Variants in MYO16 observed in about 807,000 individuals in gnomAD.
MYO16 encodes the protein unconventional myosin-XVI.
A neutral mutation model predicts 205.3 loss-of-function variants in MYO16; 94 were observed. The ratio of observed to expected loss-of-function variants is 0.46; its 90% CI spans 0.39 to 0.54. The LOEUF is 0.54. Among genes scored for constraint, MYO16 ranks in the 20% least tolerant of loss-of-function variants. MYO16 has a pLI of 0.00. For synonymous variants in MYO16, 988 were observed against 954.0 expected, an observed-to-expected ratio of 1.04 and a Z score of -0.66; for missense variants, 2,315 against 2,387.5, an observed-to-expected ratio of 0.97 and a Z score of 0.63.
At chr13:109,165,125 G>T in intron 33 of MYO16, 66 bp downstream of exon 33, 1 of 1,242,454 alleles carries the variant, frequency 8.0e-7, no homozygotes, top group South Asian at 1.4e-5. Context: ...TTTCTGGGAG[G>T]AATGGATTTA....
upstream of MYO16, among the ~76,000 whole-genome samples, chr13:108,628,538 C>T (rs1419398261): frequency 1.3e-5 from 2 of 152,158 alleles, no homozygotes; most frequent in African/African-American, 4.8e-5. Flanking sequence ...CATTGATACT[C>T]TGGTAAGTGG....
chr13:108,847,129 A>C (rs1473519281), intron 10 of MYO16, among the ~76,000 whole-genome samples: 1 of 152,216 alleles, frequency 6.6e-6, no homozygotes, highest in Non-Finnish European at 1.5e-5. Context: ...GTGGTAATTT[A>C]ATAAGACGTT....
At chr13:108,993,571 C>T (rs761708981) in intron 21 of MYO16, among the ~76,000 whole-genome samples, 5 of 152,178 alleles carry the variant, frequency 3.3e-5, no homozygotes, top group African/African-American at 4.8e-5. Flanking sequence ...GCACGAACCA[C>T]GTTCCTTACA....
chr13:109,098,529 C>T (rs1290343295), intron 27 of MYO16, among the ~76,000 whole-genome samples: 1 of 152,132 alleles, frequency 6.6e-6, no homozygotes, highest in African/African-American at 2.4e-5. Flanking sequence ...GGTTGTGTGA[C>T]GTGTTGTTGG....
At chr13:109,003,923 C>T (rs896310426) in intron 21 of MYO16, among the ~76,000 whole-genome samples, 8 of 152,098 alleles carry the variant, frequency 5.3e-5, no homozygotes, top group Non-Finnish European at 1.2e-4. Context: ...ATGTTAGAGT[C>T]ATCAATGTCC....
intron 16 of MYO16, among the ~76,000 whole-genome samples, chr13:108,921,315 CT>C (rs1881736247): frequency 6.6e-6 from 1 of 152,146 alleles, no homozygotes; most frequent in African/African-American, 2.4e-5. Flanking sequence ...TCCTAGGAAC[CT>C]GGGTGGATCA....
intron 31 of MYO16, among the ~76,000 whole-genome samples, chr13:109,131,005 T>C (rs1876507383): frequency 6.6e-6 from 1 of 152,170 alleles, no homozygotes; most frequent in African/African-American, 2.4e-5. Flanking sequence ...TTTGTGTGTC[T>C]ACCAAGCGGT....
chr13:108,812,555 A>C (rs1412562985), intron 7 of MYO16, among the ~76,000 whole-genome samples: 2 of 152,152 alleles, frequency 1.3e-5, no homozygotes, highest in Non-Finnish European at 2.9e-5. Flanking sequence ...CTTTGGTAGC[A>C]CTGGAAATAA....
At chr13:108,814,614 G>T (rs938045462) in intron 7 of MYO16, among the ~76,000 whole-genome samples, 4 of 152,070 alleles carry the variant, frequency 2.6e-5, no homozygotes, top group Non-Finnish European at 5.9e-5. Context: ...TGATATATTT[G>T]GAAGTCAAAA....
the MYO16 span, among the ~76,000 whole-genome samples, chr13:108,547,054 C>T: frequency 1.3e-5 from 2 of 151,946 alleles, no homozygotes; most frequent in South Asian, 2.1e-4. Context: ...GGGTGGATCA[C>T]GAGGTCAGGA....
At chr13:108,563,318 T>C in the MYO16 span, among the ~76,000 whole-genome samples, 4 of 152,192 alleles carry the variant, frequency 2.6e-5, no homozygotes, top group Non-Finnish European at 5.9e-5. Flanking sequence ...CACTTATCCT[T>C]TGTGTTTCAA....
intron 3 of MYO16, among the ~76,000 whole-genome samples, chr13:108,713,906 C>T (rs182728180): frequency 2.0e-5 from 3 of 152,284 alleles, no homozygotes; most frequent in Non-Finnish European, 4.4e-5. Context: ...CATATGGCTT[C>T]CATGATATTT....
chr13:108,978,803 C>T (rs1007499178), intron 20 of MYO16, among the ~76,000 whole-genome samples: 1 of 151,946 alleles, frequency 6.6e-6, no homozygotes, highest in Non-Finnish European at 1.5e-5. Context: ...CTGGTGAAAT[C>T]GCCCTAAAAT....
rs557295073 is a variant in MYO16, at chr13:108,611,590, A to G, written c.-39+15351A>G. Among the ~76,000 whole-genome samples, 278 of 152,338 alleles carry G rather than the reference A, an allele frequency of 1.8e-3. 1 individual carries two copies. The highest frequency in any genetic ancestry group is 6.3e-3 in the African/African-American group (264 of 41,592). ...GAATAAATAATGTTGGTTCTTGTCC[A>G]TAAATAGAGTTAGTAATTAGTGATT... On this transcript the variant is annotated intron_variant, in intron 1 of 24. Transcript: ENST00000251041.
rs138380664 is a variant in MYO16 at position 108,662,875 on chromosome 13, G to A, written c.29-3011G>A. Among the ~76,000 whole-genome samples the A allele has an allele frequency of 2.7e-3, 418 of 152,250 alleles. 1 individual carries two copies. The highest frequency in any genetic ancestry group is 9.6e-3 in the African/African-American group (397 of 41,554). On this transcript the variant is annotated intron_variant, in intron 1 of 34. Coordinates refer to ENST00000457511, the MANE Select transcript of MYO16 (RefSeq NM_001198950.3). ...GGCCACCCTCCCAATGAATCCCTGT[G>A]GTGCCAGGCAGGAATGGGCTGCTTG...
intron 27 of MYO16, among the ~76,000 whole-genome samples, chr13:109,061,959 T>C (rs1887607114): frequency 6.6e-6 from 1 of 152,182 alleles, no homozygotes; most frequent in Admixed American, 6.5e-5. Context: ...TCAAAGATTC[T>C]CTTCATTAAA....
At chr13:108,890,280 T>C (rs1050320087) in intron 14 of MYO16, among the ~76,000 whole-genome samples, 2 of 152,032 alleles carry the variant, frequency 1.3e-5, no homozygotes, top group Admixed American at 6.6e-5. Flanking sequence ...GAATATCCTA[T>C]TACTCCTAGC....
intron 12 of MYO16, among the ~76,000 whole-genome samples, chr13:108,880,298 C>A (rs193165588): frequency 6.6e-6 from 1 of 152,294 alleles, no homozygotes; most frequent in Non-Finnish European, 1.5e-5. Flanking sequence ...AAAATTTTCT[C>A]CCATTCTGTA....
the MYO16 span, among the ~76,000 whole-genome samples, chr13:108,504,023 A>G: frequency 6.6e-6 from 1 of 152,192 alleles, no homozygotes; most frequent in Admixed American, 6.5e-5. Context: ...AAAAAACACA[A>G]CAAAATGTAT....
Sources: gnomAD v4.1 joint callset for allele counts (sites outside exome capture counted in the v4.1 genomes callset) on GRCh38, gnomAD v4.1.1 for gene constraint, MANE v1.5 for transcripts, NCBI Gene and HGNC (gene_info 2026-07-23, HGNC 2026-07-21) for gene names.